Variants in CCBE1 observed in about 807,000 individuals in gnomAD.
CCBE1 encodes collagen and calcium-binding EGF domain-containing protein 1.
Under a neutral mutation model 50.0 loss-of-function variants are expected in CCBE1, and 37 were observed. That is an observed-to-expected ratio of 0.74 (90% CI 0.57 to 0.97). The LOEUF (loss-of-function observed/expected upper bound fraction) is 0.97. Among genes scored for constraint, CCBE1 ranks in the 50% least tolerant of loss-of-function variants. CCBE1 has a pLI of 0.00. For synonymous variants in CCBE1, 234 were observed against 203.7 expected (o/e 1.15, Z -1.27); for missense variants, 538 against 523.8 (o/e 1.03, Z -0.26).
intron 2 of CCBE1, among the ~76,000 whole-genome samples, chr18:59,654,328 G>A (rs1203975127): frequency 6.6e-6 from 1 of 152,226 alleles, no homozygotes; most frequent in Non-Finnish European, 1.5e-5. Context: ...GCAATATGGT[G>A]TGGAAAGAAC....
intron 2 of CCBE1, among the ~76,000 whole-genome samples, chr18:59,573,221 G>A (rs2144490639): frequency 6.7e-6 from 1 of 148,522 alleles, no homozygotes; most frequent in East Asian, 2.0e-4. Flanking sequence ...GGAGGCAGAG[G>A]CTGCAGTGAG....
intron 7 of CCBE1, among the ~76,000 whole-genome samples, chr18:59,440,048 A>C (rs1237071348): frequency 6.6e-6 from 1 of 152,186 alleles, no homozygotes; most frequent in Non-Finnish European, 1.5e-5. Context: ...ACTCAAGCCA[A>C]AAACTGGAGA....
intron 2 of CCBE1, among the ~76,000 whole-genome samples, chr18:59,613,732 T>TTA (rs1324159378): frequency 1.3e-5 from 2 of 151,622 alleles, no homozygotes; most frequent in African/African-American, 2.4e-5. Context: ...GACCCCATCT[T>TTA]TATTAAAAAA....
At chr18:59,562,247 G>A (rs1211414680) in intron 2 of CCBE1, among the ~76,000 whole-genome samples, 1 of 152,138 alleles carries the variant, frequency 6.6e-6, no homozygotes, top group East Asian at 1.9e-4. Context: ...TGACTGGCTA[G>A]GCATGAACAC....
intron 2 of CCBE1, among the ~76,000 whole-genome samples, chr18:59,680,549 T>C (rs548548916): frequency 1.8e-4 from 27 of 151,640 alleles, no homozygotes; most frequent in Non-Finnish European, 3.4e-4. Flanking sequence ...ACACAAAAAA[T>C]TAGCCGGGCG....
chr18:59,479,500 A>C (rs1912465752), intron 3 of CCBE1, among the ~76,000 whole-genome samples: 1 of 152,238 alleles, frequency 6.6e-6, no homozygotes, highest in African/African-American at 2.4e-5. Flanking sequence ...TATAATAAGA[A>C]ACAGCCTCTG....
At chr18:59,689,102 A>C (rs2054695202) in intron 2 of CCBE1, among the ~76,000 whole-genome samples, 1 of 152,240 alleles carries the variant, frequency 6.6e-6, no homozygotes, top group Non-Finnish European at 1.5e-5. Flanking sequence ...GTACAAGAAC[A>C]AGCCATGGGC....
At chr18:59,584,686 T>C (rs2053151416) in intron 2 of CCBE1, among the ~76,000 whole-genome samples, 1 of 152,102 alleles carries the variant, frequency 6.6e-6, no homozygotes, top group African/African-American at 2.4e-5. Flanking sequence ...TTGCTTGTGC[T>C]TCACCATGTA....
intron 2 of CCBE1, among the ~76,000 whole-genome samples, chr18:59,676,134 A>G (rs1168207081): frequency 1.3e-5 from 2 of 152,228 alleles, no homozygotes; most frequent in African/African-American, 2.4e-5. Flanking sequence ...CTATACTTGA[A>G]GGTCACCAGA....
chr18:59,526,778 T>A (rs1320241803), intron 2 of CCBE1, among the ~76,000 whole-genome samples: 5 of 152,232 alleles, frequency 3.3e-5, no homozygotes, highest in Non-Finnish European at 7.3e-5. Context: ...CCAGGAGTCA[T>A]TCAGGAGCAG....
intron 2 of CCBE1, among the ~76,000 whole-genome samples, chr18:59,489,033 A>G (rs952736408): frequency 4.6e-5 from 7 of 152,232 alleles, no homozygotes. Flanking sequence ...TCTCAACCAT[A>G]TGTGTTACCA....
chr18:59,625,877 A>ACAC (rs1455660232), intron 2 of CCBE1, among the ~76,000 whole-genome samples: 8 of 152,142 alleles, frequency 5.3e-5, no homozygotes, highest in African/African-American at 1.9e-4. Context: ...CCATGTGAGG[A>ACAC]CACCTACCCA....
At chr18:59,485,493 G>C (rs1912771604) in intron 2 of CCBE1, among the ~76,000 whole-genome samples, 1 of 151,932 alleles carries the variant, frequency 6.6e-6, no homozygotes, top group Admixed American at 6.6e-5. Context: ...GCAAATATTT[G>C]CACCCTTGCT....
intron 2 of CCBE1, among the ~76,000 whole-genome samples, chr18:59,564,631 C>A (rs563280008): frequency 6.6e-6 from 1 of 152,186 alleles, no homozygotes. Flanking sequence ...TTTATGAAGT[C>A]TTTGGGATTC....
intron 2 of CCBE1, among the ~76,000 whole-genome samples, chr18:59,526,633 G>A (rs979019121): frequency 4.6e-5 from 7 of 152,094 alleles, no homozygotes; most frequent in Non-Finnish European, 8.8e-5. Flanking sequence ...TTAGCCTTTT[G>A]ATGTGGGCAT....
At chr18:59,532,281 G>C (rs1466570532) in intron 2 of CCBE1, among the ~76,000 whole-genome samples, 1 of 152,106 alleles carries the variant, frequency 6.6e-6, no homozygotes, top group Non-Finnish European at 1.5e-5. Context: ...TCTAACTTAG[G>C]TGATCTGCCT....
At chr18:59,615,648 A>G (rs940103425) in intron 2 of CCBE1, among the ~76,000 whole-genome samples, 1 of 152,192 alleles carries the variant, frequency 6.6e-6, no homozygotes, top group Non-Finnish European at 1.5e-5. Flanking sequence ...TTCTTTATCA[A>G]TATGATACTT....
intron 3 of CCBE1, among the ~76,000 whole-genome samples, chr18:59,472,551 C>T (rs535520396): frequency 6.6e-6 from 1 of 152,314 alleles, no homozygotes; most frequent in East Asian, 1.9e-4. Context: ...AGGTCTGCTG[C>T]ACAGCAGCTA....
At chr18:59,509,076 C>A (rs1914017084) in intron 2 of CCBE1, among the ~76,000 whole-genome samples, 1 of 152,114 alleles carries the variant, frequency 6.6e-6, no homozygotes, top group South Asian at 2.1e-4. Flanking sequence ...TGAGAGCAAG[C>A]AGAAATAAGC....
Sources: allele counts gnomAD v4.1 joint callset (sites outside exome capture counted in the v4.1 genomes callset), GRCh38; gene constraint gnomAD v4.1.1; transcripts MANE v1.5; gene names NCBI Gene and HGNC (gene_info 2026-07-23, HGNC 2026-07-21).